Variants in ZFYVE1 observed in about 807,000 individuals in gnomAD.
ZFYVE1 encodes zinc finger FYVE domain-containing protein 1.
In ZFYVE1, 30 loss-of-function variants were observed where a neutral mutation model predicts 74.4. That is an observed-to-expected ratio of 0.40 (90% CI 0.30 to 0.55). The LOEUF is 0.55. ZFYVE1 is among the 20% of genes least tolerant of loss of function. ZFYVE1 has a pLI of 0.42. For synonymous variants in ZFYVE1, 335 were observed against 385.1 expected, an observed-to-expected ratio of 0.87 and a Z score of 1.52; for missense variants, 703 against 1,011.6, an observed-to-expected ratio of 0.69 and a Z score of 4.14.
At position 72,970,893 on chromosome 14, in the gene ZFYVE1, C is replaced by T; in HGVS notation, c.2323G>A (p.Gly775Ser). 8 of 1,614,152 alleles carry T rather than the reference C, an allele frequency of 5.0e-6. No homozygotes were observed. The highest frequency in any genetic ancestry group is 2.2e-5 in the East Asian group (1 of 44,872). The change falls in exon 12 of 12, where the codon GGT becomes AGT. Residue 775 changes from glycine to serine, a missense_variant. This residue lies in a region of ZFYVE1 where 492 missense variants were observed against 790.0 expected (regional missense o/e 0.62). Coordinates refer to ENST00000556143, the MANE Select transcript of ZFYVE1 (RefSeq NM_021260.4). ...AGAGGGGGCTGGGGTTAAAGGTCAC[C>T]GGGCTTTTTATTGCAGTTGAAGCAG... ...RVCFNCNKKP[G>S]DL is the part of the protein sequence containing the mutation.
rs1002550792 is a variant in ZFYVE1 at position 72,998,108 on chromosome 14, C to T, written c.691G>A (p.Val231Ile). Reference sequence around the variant, plus strand: ...AGCCCTTCCGTATCGATCACTGCTACTTTGTGAACTGGGTCATAGGCTGCC... The same window carrying T: ...AGCCCTTCCGTATCGATCACTGCTATTTTGTGAACTGGGTCATAGGCTGCC... ...VWAAYDPVHK[V>I]AVIDTEGLLG... is the part of the protein sequence containing the mutation. Residue 231 changes from valine to isoleucine, a missense_variant, in exon 3 of 12, where the codon GTA (valine) becomes ATA (isoleucine). By Grantham distance (29) the Val-to-Ile change is conservative (BLOSUM62 3). Transcript: ENST00000556143. 2.5e-6 allele frequency: 4 copies of T among 1,613,982 alleles called. No individual in the cohort carries two copies. In the African/African-American group the frequency reaches 4.0e-5, roughly 16 times the overall value.
intron 8 of ZFYVE1, among the ~76,000 whole-genome samples, chr14:72,976,211 G>T (rs368286152): frequency 7.6e-6 from 1 of 131,144 alleles, no homozygotes; most frequent in African/African-American, 2.5e-5. Flanking sequence ...AATGAATGAA[G>T]GAAGGAAGGA....
At chr14:73,022,130 C>T (rs907340202) in intron 2 of ZFYVE1, among the ~76,000 whole-genome samples, 6 of 152,114 alleles carry the variant, frequency 3.9e-5, no homozygotes, top group Admixed American at 2.6e-4. Flanking sequence ...ACAATGTCGC[C>T]CAATTACAGC....
rs909764318 is a variant in ZFYVE1, at chr14:72,970,565, G to A, written c.*317C>T. The stretch of plus-strand genomic sequence containing the variant: ...AGTCTTCACAGCCAGCAGCAGCCTC[G>A]ATACGCCCCGAGTGCCTTTCATATG... On this transcript the variant is annotated 3_prime_UTR_variant, in exon 12 of 12. Coordinates refer to ENST00000556143, the MANE Select transcript of ZFYVE1 (RefSeq NM_021260.4). 4 of 315,188 alleles carry A rather than the reference G, an allele frequency of 1.3e-5. No homozygotes were observed. The highest frequency in any genetic ancestry group is 6.3e-5 in the African/African-American group (3 of 47,448). 19.5% of individuals were successfully genotyped at this position (315,188 alleles called of 1,614,324 possible).
rs1567366884 is a variant in ZFYVE1, at chr14:73,023,330, T to TTATATGTTTTATATATAA, written c.483+695_483+696insTTATATATAAAACATATA. On this transcript the variant is annotated intron_variant, in intron 2 of 11. Transcript: ENST00000556143. ...ATATATGTTTTATATATAATATATA[T>TTATATGTTTTATATATAA]TATATATGTTTTATATATAATATAT... Among the ~76,000 whole-genome samples, 10 of 53,944 alleles carry TTATATGTTTTATATATAA rather than the reference T, an allele frequency of 1.9e-4. 1 individual carries two copies. The highest frequency in any genetic ancestry group is 1.3e-3 in the South Asian group (3 of 2,236). The allele number at this position is 53,944 out of a possible 152,430, so 35.4% of individuals were successfully genotyped here. A position where few individuals can be genotyped will look rare whatever the true frequency, so the allele number is the denominator to read the frequency against.
chr14:73,021,181 C>T (rs1402473907), intron 2 of ZFYVE1, among the ~76,000 whole-genome samples: 1 of 152,000 alleles, frequency 6.6e-6, no homozygotes, highest in Non-Finnish European at 1.5e-5. Flanking sequence ...CCCATCTCTA[C>T]TAAAACAAAC....
At chr14:73,012,079 G>A (rs1894103090) in intron 2 of ZFYVE1, among the ~76,000 whole-genome samples, 1 of 151,616 alleles carries the variant, frequency 6.6e-6, no homozygotes, top group Non-Finnish European at 1.5e-5. Context: ...GCTGGACACT[G>A]TGGTTCATGC....
intron 4 of ZFYVE1, among the ~76,000 whole-genome samples, chr14:72,990,352 T>G (rs925638084): frequency 1.3e-5 from 2 of 151,598 alleles, no homozygotes; most frequent in African/African-American, 4.8e-5. Flanking sequence ...GGTGAAATTT[T>G]GAGGATGCCA....
At chr14:73,010,577 G>T (rs868620321) in intron 2 of ZFYVE1, among the ~76,000 whole-genome samples, 2 of 151,648 alleles carry the variant, frequency 1.3e-5, no homozygotes, top group Middle Eastern at 6.8e-3. Flanking sequence ...TCCAGCCTGG[G>T]CAACAAGAGT....
chr14:72,997,898 G>A lies in ZFYVE1; in HGVS notation c.901C>T (p.Arg301Cys), dbSNP rs1047723264. Reference sequence around the variant, plus strand: ...GATAAAGGGACATCCAGGCCACAGCGAGCAGTGGTGGCCTTGAGCTCCTTG... The same window carrying A: ...GATAAAGGGACATCCAGGCCACAGCAAGCAGTGGTGGCCTTGAGCTCCTTG... ...FTKELKATTA[R>C]CGLDVPLSTL... The change falls in exon 3 of 12, where the codon CGC becomes TGC. Residue 301 changes from arginine to cysteine, a missense_variant. Physicochemically the swap from Arg to Cys is radical, Grantham distance 180. Transcript: ENST00000556143. 9 of 1,614,024 alleles carry A rather than the reference G, an allele frequency of 5.6e-6. No individual in the cohort carries two copies. The highest frequency in any genetic ancestry group is 1.7e-5 in the Admixed American group (1 of 60,006).
At chr14:73,018,647 G>A (rs1466085396) in intron 2 of ZFYVE1, among the ~76,000 whole-genome samples, 1 of 151,384 alleles carries the variant, frequency 6.6e-6, no homozygotes, top group Non-Finnish European at 1.5e-5. Context: ...CCAGAACACA[G>A]AAAGTGCCTG....
intron 4 of ZFYVE1, among the ~76,000 whole-genome samples, chr14:72,983,503 C>A (rs970863754): frequency 6.6e-6 from 1 of 151,962 alleles, no homozygotes; most frequent in African/African-American, 2.4e-5. Context: ...TTTCCAGCTT[C>A]ATCCATGTCC....
At chr14:73,022,713 C>T (rs1894342005) in intron 2 of ZFYVE1, among the ~76,000 whole-genome samples, 1 of 152,122 alleles carries the variant, frequency 6.6e-6, no homozygotes, top group South Asian at 2.1e-4. Flanking sequence ...ATTACACTAC[C>T]TTCATTCAAA....
Position 73,024,015 on chromosome 14 carries a change from C to G in ZFYVE1, c.483+11G>C. On this transcript the variant is annotated intron_variant, in intron 2 of 11. Transcript: ENST00000556143. ...CACTACACATGAATCCCACTATACC[C>G]GTGTGCTTACCTGAATTTCTTCATT... is the stretch of plus-strand genomic sequence containing the variant. 6.2e-7 allele frequency: 1 copy of G among 1,612,090 alleles called. No individual in the cohort carries two copies.
At chr14:72,986,563 C>CT (rs751115992) in intron 4 of ZFYVE1, among the ~76,000 whole-genome samples, 4,188 of 136,714 alleles carry the variant, frequency 0.031, 145 homozygotes, top group Admixed American at 0.049. Flanking sequence ...TCAGCTTTTC[C>CT]TTTTTTTTTT....
At chr14:73,023,448 A>C (rs1894388136) in intron 2 of ZFYVE1, among the ~76,000 whole-genome samples, 1 of 142,098 alleles carries the variant, frequency 7.0e-6, no homozygotes, top group Non-Finnish European at 1.5e-5. Flanking sequence ...TATATTTTAT[A>C]TATGTTTTAT....
intron 2 of ZFYVE1, among the ~76,000 whole-genome samples, chr14:73,007,788 C>G (rs1448222863): frequency 6.6e-6 from 1 of 152,204 alleles, no homozygotes; most frequent in African/African-American, 2.4e-5. Context: ...GGTTTAAGTT[C>G]TATTAAATCT....
At chr14:73,013,534 G>A (rs182190320) in intron 2 of ZFYVE1, among the ~76,000 whole-genome samples, 201 of 152,158 alleles carry the variant, frequency 1.3e-3, no homozygotes, top group Middle Eastern at 3.4e-3. Flanking sequence ...CTTGAACCCA[G>A]GTTGTAGTAA....
intron 2 of ZFYVE1, among the ~76,000 whole-genome samples, chr14:73,018,410 G>C (rs1186094408): frequency 8.1e-6 from 1 of 123,702 alleles, no homozygotes; most frequent in Non-Finnish European, 1.6e-5. Context: ...CAGCCTAGGC[G>C]ACAGAGCAAG....
Sources: gnomAD v4.1 joint callset for allele counts (sites outside exome capture counted in the v4.1 genomes callset) on GRCh38, gnomAD v4.1.1 for gene constraint, gnomAD v4.1.1 regional missense constraint, MANE v1.5 for transcripts, NCBI Gene and HGNC (gene_info 2026-07-23, HGNC 2026-07-21) for gene names.